Variants in WDFY3 observed in about 807,000 individuals in gnomAD.
WDFY3 encodes WD repeat and FYVE domain containing 3.
WDFY3 carries 66 observed loss-of-function variants against 409.6 expected under a neutral mutation model. The observed-to-expected ratio is 0.16, with a 90% CI of 0.13 to 0.20. The LOEUF is 0.20. WDFY3 is among the 10% of genes least tolerant of loss of function. The pLI is 1.00. For missense variants in WDFY3, 3,031 were observed against 4,298.1 expected, an observed-to-expected ratio of 0.71 and a Z score of 8.24; for synonymous variants, 1,521 against 1,537.1, an observed-to-expected ratio of 0.99 and a Z score of 0.25.
In WDFY3 at chr4:84,733,375, TACTC is replaced by T; in HGVS notation, c.7221+3_7221+6del. ...GCCATTGTGATCATTGAATTCTGCA[TACTC>T]ACCGCCACATTTGTCTCTTGCTCAG... On this transcript the variant is annotated splice_donor_5th_base_variant and intron_variant, in intron 44 of 67. Transcript: ENST00000295888. 1 of 1,613,374 alleles carries T rather than the reference TACTC, an allele frequency of 6.2e-7. No homozygotes were observed. Among genetic ancestry groups the T allele is most frequent in the Non-Finnish European group, 8.5e-7 (1 of 1,179,430 alleles).
At chr4:84,690,216 T>C (rs570680006) in intron 61 of WDFY3, among the ~76,000 whole-genome samples, 1 of 152,150 alleles carries the variant, frequency 6.6e-6, no homozygotes, top group Non-Finnish European at 1.5e-5. Context: ...TTTGCAAAAA[T>C]TCAATTTAGA....
chr4:84,737,153 C>A (rs1359526869), intron 41 of WDFY3, 31 bp downstream of exon 41: 2 of 1,612,904 alleles, frequency 1.2e-6, no homozygotes, highest in East Asian at 4.5e-5. Flanking sequence ...ACATGTAAAT[C>A]TCCTGGTGGT....
intron 46 of WDFY3, among the ~76,000 whole-genome samples, 199 bp downstream of exon 46, chr4:84,724,227 C>G (rs1026036016): frequency 6.6e-6 from 1 of 152,124 alleles, no homozygotes; most frequent in African/African-American, 2.4e-5. Context: ...ACGTGATATT[C>G]ATTTGTAGGC....
At chr4:84,842,140 A>G (rs1375127815) in intron 5 of WDFY3, among the ~76,000 whole-genome samples, 1 of 152,278 alleles carries the variant, frequency 6.6e-6, no homozygotes, top group African/African-American at 2.4e-5. Context: ...TGGCTTGCCA[A>G]TTTTTACAGT....
intron 58 of WDFY3, among the ~76,000 whole-genome samples, chr4:84,694,436 G>GCCTCTTCTA (rs1560542417): frequency 6.6e-6 from 1 of 152,178 alleles, no homozygotes; most frequent in Non-Finnish European, 1.5e-5. Flanking sequence ...CAGACTTCTG[G>GCCTCTTCTA]CCTCTTCTAC....
At chr4:84,775,508 G>A (rs991793764) in intron 27 of WDFY3, among the ~76,000 whole-genome samples, 6 of 151,640 alleles carry the variant, frequency 4.0e-5, no homozygotes, top group Non-Finnish European at 8.8e-5. Context: ...AATAGTAGAT[G>A]AGATACTTCC....
intron 5 of WDFY3, among the ~76,000 whole-genome samples, chr4:84,843,637 G>A (rs1757686119): frequency 6.6e-6 from 1 of 152,158 alleles, no homozygotes; most frequent in Non-Finnish European, 1.5e-5. Flanking sequence ...GAATTCAAGT[G>A]ATCCTCCTGT....
At chr4:84,931,491 C>T (rs954975649) in intron 2 of WDFY3, among the ~76,000 whole-genome samples, 1 of 152,046 alleles carries the variant, frequency 6.6e-6, no homozygotes, top group Non-Finnish European at 1.5e-5. Flanking sequence ...AGCTAGTTCC[C>T]AAAGAGAGAA....
chr4:84,909,468 G>C (rs1002350026), intron 2 of WDFY3, among the ~76,000 whole-genome samples: 1 of 151,994 alleles, frequency 6.6e-6, no homozygotes, highest in African/African-American at 2.4e-5. Flanking sequence ...CAAAGTAAGA[G>C]AAAATGACAT....
chr4:84,803,508 T>C (rs769489449), intron 15 of WDFY3, 41 bp from the exon 16 acceptor site: 1 of 1,562,100 alleles, frequency 6.4e-7, no homozygotes, highest in Non-Finnish European at 8.7e-7. Context: ...TGAATTCCAA[T>C]CACATTCTCT....
intron 3 of WDFY3, among the ~76,000 whole-genome samples, chr4:84,870,907 A>G (rs1287916468): frequency 2.6e-5 from 4 of 152,018 alleles, no homozygotes; most frequent in Non-Finnish European, 5.9e-5. Flanking sequence ...AAGAAATGCT[A>G]GAAATCAAAA....
chr4:84,772,993 G>T, intron 29 of WDFY3, 64 bp from the exon 30 acceptor site: 3 of 1,223,518 alleles, frequency 2.5e-6, no homozygotes, highest in South Asian at 1.6e-5. Flanking sequence ...AAACAACAAA[G>T]TACAAAGAAA....
chr4:84,914,169 C>G (rs1327441704), intron 2 of WDFY3, among the ~76,000 whole-genome samples: 3 of 152,064 alleles, frequency 2.0e-5, no homozygotes, highest in African/African-American at 7.2e-5. Flanking sequence ...CACCTGTAAT[C>G]CCAGCACTTT....
chr4:84,719,566 T>C (rs189374617), intron 47 of WDFY3, among the ~76,000 whole-genome samples: 1 of 152,314 alleles, frequency 6.6e-6, no homozygotes, highest in Non-Finnish European at 1.5e-5. Context: ...TTTTCTAAAA[T>C]ATCTAAATAT....
chr4:84,850,928 G>GTTTTTTTTTTTTTTTT lies in WDFY3; in HGVS notation c.181-919_181-904dup, dbSNP rs869074191. On this transcript the variant is annotated intron_variant, in intron 4 of 67. Transcript: ENST00000295888. Reference sequence around the variant, plus strand: ...TTCTTATTTTTAATTTTATTTATCTGTTTTTTTTTTTTTTTTTTTTTTTTT... The same window carrying GTTTTTTTTTTTTTTTT: ...TTCTTATTTTTAATTTTATTTATCTGTTTTTTTTTTTTTTTTTTTTTTTTTTTTTTTTTTTTTTTTT... Among the ~76,000 whole-genome samples, 27 of 46,244 alleles carry GTTTTTTTTTTTTTTTT rather than the reference G, an allele frequency of 5.8e-4. 3 individuals carry two copies. The highest frequency in any genetic ancestry group is 2.6e-3 in the East Asian group (3 of 1,134). The allele number at this position is 46,244 out of a possible 152,430, so 30.3% of individuals were successfully genotyped here. A position where few individuals can be genotyped will look rare whatever the true frequency, so the allele number is the denominator to read the frequency against.
chr4:84,748,489 A>T (rs1739908621), intron 36 of WDFY3, among the ~76,000 whole-genome samples: 2 of 152,156 alleles, frequency 1.3e-5, no homozygotes, highest in Admixed American at 1.3e-4. Context: ...ATGGTAAATA[A>T]TATCATTCTC....
intron 4 of WDFY3, among the ~76,000 whole-genome samples, chr4:84,855,193 A>G (rs554621128): frequency 6.6e-6 from 1 of 152,316 alleles, no homozygotes; most frequent in South Asian, 2.1e-4. Context: ...TAGTAGCCTC[A>G]TTTTACAGTT....
In WDFY3 at chr4:84,694,020, A is replaced by C. The variant is rs1427246049; in HGVS notation, c.8902-988T>G. ...TGAGGAGGAGATCTGAAAAACTTTA[A>C]ATGAAATGAGATTTAAGATAAATAC... On this transcript the variant is annotated intron_variant, in intron 58 of 67. Coordinates refer to ENST00000295888, the MANE Select transcript of WDFY3 (RefSeq NM_014991.6). 2.6e-5 allele frequency among the ~76,000 whole-genome samples: 4 copies of C among 152,212 alleles called. No individual in the cohort carries two copies. In the South Asian group the frequency reaches 6.2e-4, roughly 24 times the overall value.
intron 1 of WDFY3, among the ~76,000 whole-genome samples, chr4:84,963,903 A>G (rs1775262249): frequency 6.6e-6 from 1 of 152,228 alleles, no homozygotes; most frequent in Non-Finnish European, 1.5e-5. Context: ...AACAACGTCT[A>G]TGTGCTGAAC....
Sources: gnomAD v4.1 joint callset for allele counts (sites outside exome capture counted in the v4.1 genomes callset) on GRCh38, gnomAD v4.1.1 for gene constraint, MANE v1.5 for transcripts, NCBI Gene and HGNC (gene_info 2026-07-23, HGNC 2026-07-21) for gene names.